Variants in GRAMD1C observed in about 807,000 individuals in gnomAD.
GRAMD1C encodes the protein protein Aster-C.
In GRAMD1C, 89 loss-of-function variants were observed where a neutral mutation model predicts 97.8. The ratio of observed to expected loss-of-function variants is 0.91; its 90% CI spans 0.77 to 1.09. The LOEUF is 1.09. Among genes scored for constraint, GRAMD1C ranks in the 50% least tolerant of loss-of-function variants. The probability of loss-of-function intolerance (pLI) is 0.00; values close to 1 mark genes in which losing one functional copy is unlikely to be tolerated. For missense variants in GRAMD1C, 740 were observed against 766.4 expected (o/e 0.97, Z 0.41); for synonymous variants, 256 against 267.0 (o/e 0.96, Z 0.40).
intron 6 of GRAMD1C, chr3:113,886,143 GT>G: frequency 6.8e-7 from 1 of 1,466,872 alleles, no homozygotes; most frequent in Non-Finnish European, 9.0e-7. Context: ...CCTGGGCAGG[GT>G]CTGCCCCTCC....
At chr3:113,855,677 C>T (rs1038690997) in intron 2 of GRAMD1C, among the ~76,000 whole-genome samples, 4 of 151,080 alleles carry the variant, frequency 2.6e-5, no homozygotes, top group Non-Finnish European at 4.4e-5. Context: ...TGTACTCCAG[C>T]CTGGGTGACG....
chr3:113,887,752 A>G (rs939377720), intron 6 of GRAMD1C, among the ~76,000 whole-genome samples: 1 of 151,078 alleles, frequency 6.6e-6, no homozygotes, highest in Non-Finnish European at 1.5e-5. Context: ...ACCTTTAGCT[A>G]GATCAACCAA....
chr3:113,894,611 GTC>G (rs1355766844), intron 6 of GRAMD1C, among the ~76,000 whole-genome samples: 1 of 152,122 alleles, frequency 6.6e-6, no homozygotes, highest in Non-Finnish European at 1.5e-5. Context: ...GGTAATAGTG[GTC>G]TCTCTTGCCA....
chr3:113,854,599 T>A (rs964195711), intron 2 of GRAMD1C, among the ~76,000 whole-genome samples: 2 of 152,196 alleles, frequency 1.3e-5, no homozygotes, highest in African/African-American at 4.8e-5. Context: ...AAAACCTGAC[T>A]AAAGTGCCAG....
chr3:113,902,375 G>A (rs1443740412), intron 7 of GRAMD1C, among the ~76,000 whole-genome samples: 3 of 152,012 alleles, frequency 2.0e-5, no homozygotes, highest in Non-Finnish European at 4.4e-5. Context: ...GCCTCTTGCC[G>A]GCTCTGGATT....
In GRAMD1C at chr3:113,860,452, A is replaced by T. The variant is rs1010709006; in HGVS notation, c.175-9055A>T. ...GCTTAATGTTGTTAATGATGGCAAT[A>T]CTTCTCAGACTAATCTACAGATTCA... On this transcript the variant is annotated intron_variant, in intron 2 of 17. Coordinates refer to ENST00000358160, the MANE Select transcript of GRAMD1C (RefSeq NM_017577.5). Among the ~76,000 whole-genome samples, 19 of 152,340 alleles carry T rather than the reference A, an allele frequency of 1.2e-4. No individual in the cohort carries two copies. In the South Asian group the frequency reaches 3.7e-3, roughly 30 times the overall value.
upstream of GRAMD1C, among the ~76,000 whole-genome samples, chr3:113,833,991 C>T (rs1709598511): frequency 6.6e-6 from 1 of 152,042 alleles, no homozygotes; most frequent in Admixed American, 6.6e-5. Flanking sequence ...TTAACCAGTC[C>T]TTTATTGATG....
intron 6 of GRAMD1C, among the ~76,000 whole-genome samples, chr3:113,887,594 G>A (rs982432894): frequency 7.6e-6 from 1 of 131,582 alleles, no homozygotes; most frequent in East Asian, 3.4e-4. Context: ...CCAGCTACTC[G>A]GGAGGCTGAG....
intron 3 of GRAMD1C, among the ~76,000 whole-genome samples, chr3:113,870,340 C>A (rs950394178): frequency 6.6e-6 from 1 of 150,474 alleles, no homozygotes; most frequent in Admixed American, 6.6e-5. Flanking sequence ...CTACCCTGGG[C>A]AACAGAGTGA....
chr3:113,919,918 GA>G, intron 10 of GRAMD1C: 1 of 653,526 alleles, frequency 1.5e-6, no homozygotes, highest in Non-Finnish European at 2.9e-6. Context: ...CACCAAATAT[GA>G]AATAATGGAT....
intron 11 of GRAMD1C, among the ~76,000 whole-genome samples, chr3:113,931,362 A>ATT (rs11294764): frequency 3.5e-5 from 5 of 143,084 alleles, no homozygotes; most frequent in East Asian, 2.0e-4. Flanking sequence ...ATATATTCAA[A>ATT]TTTTTTTTTT....
chr3:113,849,870 C>T (rs879151454), intron 2 of GRAMD1C, among the ~76,000 whole-genome samples: 4 of 151,852 alleles, frequency 2.6e-5, no homozygotes, highest in African/African-American at 7.3e-5. Flanking sequence ...TAGGGGCGGC[C>T]GGGCAGAGGC....
chr3:113,892,458 T>A (rs1478143965), intron 6 of GRAMD1C, among the ~76,000 whole-genome samples: 1 of 152,018 alleles, frequency 6.6e-6, no homozygotes, highest in Non-Finnish European at 1.5e-5. Context: ...GGTGACAGAG[T>A]GAGACTCCAT....
chr3:113,873,078 G>A (rs1473869849), intron 3 of GRAMD1C, among the ~76,000 whole-genome samples: 1 of 75,434 alleles, frequency 1.3e-5, no homozygotes, highest in Admixed American at 2.1e-4. Context: ...GGGCGACAGA[G>A]CAAGACTCCA....
chr3:113,945,103 T>C (rs1938004480), intron 17 of GRAMD1C, among the ~76,000 whole-genome samples: 1 of 152,144 alleles, frequency 6.6e-6, no homozygotes, highest in Non-Finnish European at 1.5e-5. Flanking sequence ...ACTTCAGAAA[T>C]CTTTTAGGAA....
chr3:113,847,662 G>A (rs1189682866), intron 2 of GRAMD1C, among the ~76,000 whole-genome samples: 2 of 152,172 alleles, frequency 1.3e-5, no homozygotes, highest in Non-Finnish European at 2.9e-5. Context: ...ATATGATGGG[G>A]AATTCACTGA....
intron 5 of GRAMD1C, among the ~76,000 whole-genome samples, chr3:113,877,933 A>G (rs531284769): frequency 6.6e-6 from 1 of 152,170 alleles, no homozygotes; most frequent in South Asian, 2.1e-4. Flanking sequence ...ATACACCACC[A>G]TGCCCAGCTT....
At chr3:113,942,127 T>C (rs1356151439) in intron 17 of GRAMD1C, among the ~76,000 whole-genome samples, 1 of 151,898 alleles carries the variant, frequency 6.6e-6, no homozygotes, top group Non-Finnish European at 1.5e-5. Flanking sequence ...TTGCCCAGGC[T>C]GGTCTCAAAC....
chr3:113,846,349 G>A (rs574133934), intron 2 of GRAMD1C, among the ~76,000 whole-genome samples: 70 of 152,042 alleles, frequency 4.6e-4, no homozygotes, highest in African/African-American at 1.6e-3. Context: ...CAGGTGATCC[G>A]CCCGCCTCGG....
Sources: gnomAD v4.1 joint callset for allele counts (sites outside exome capture counted in the v4.1 genomes callset) on GRCh38, gnomAD v4.1.1 for gene constraint, MANE v1.5 for transcripts, NCBI Gene and HGNC (gene_info 2026-07-23, HGNC 2026-07-21) for gene names.